WDFY4: variants seen among roughly 807,000 people sequenced by gnomAD.
WDFY4 encodes WD repeat- and FYVE domain-containing protein 4.
In WDFY4, 169 loss-of-function variants were observed where a neutral mutation model predicts 351.9. That is an observed-to-expected ratio of 0.48 (90% confidence interval 0.42 to 0.55). The LOEUF is 0.55. Among genes scored for constraint, WDFY4 ranks in the 20% least tolerant of loss-of-function variants. WDFY4 has a pLI of 0.00. For missense variants in WDFY4, 3,803 were observed against 3,935.6 expected (o/e 0.97, Z 0.90); for synonymous variants, 1,622 against 1,574.6 (o/e 1.03, Z -0.71).
chr10:48,734,988 A>G (rs1237228288), intron 10 of WDFY4, among the ~76,000 whole-genome samples: 1 of 111,722 alleles, frequency 9.0e-6, no homozygotes, highest in African/African-American at 3.5e-5. Context: ...ACGGGGCTTT[A>G]CCATGTTGAC....
chr10:48,885,954 A>G (rs778637674), intron 43 of WDFY4, among the ~76,000 whole-genome samples: 14 of 152,234 alleles, frequency 9.2e-5, no homozygotes, highest in Non-Finnish European at 2.1e-4. Flanking sequence ...TTTCTAAAAA[A>G]TAAGAATACT....
At chr10:48,699,375 C>T (rs1417208363) in intron 1 of WDFY4, among the ~76,000 whole-genome samples, 4 of 152,148 alleles carry the variant, frequency 2.6e-5, no homozygotes, top group African/African-American at 7.2e-5. Flanking sequence ...CCCTCCTGTC[C>T]CCTTCACACC....
At chr10:48,833,625 T>A (rs977342236) in intron 39 of WDFY4, among the ~76,000 whole-genome samples, 2 of 152,216 alleles carry the variant, frequency 1.3e-5, no homozygotes, top group Non-Finnish European at 2.9e-5. Context: ...CTGGAAATGT[T>A]GCTGAGGCTC....
In WDFY4 at chr10:48,723,495, CT is replaced by C; in HGVS notation, c.521del (p.Phe174SerfsTer49). 2 of 1,551,462 alleles carry C rather than the reference CT, an allele frequency of 1.3e-6. No homozygotes were observed. The highest frequency in any genetic ancestry group is 1.7e-6 in the Non-Finnish European group (2 of 1,147,026). On this transcript the variant is annotated frameshift_variant, in exon 5 of 62. Transcript: ENST00000325239. LOFTEE classifies it high-confidence loss of function. ...CCCTGCTCCTACAGTGCCTTTACCT[CT>C]TCTTTGTCTTTCCTCTGGACAAAGA... ...PALLLQCLYL[F>X]FVFPLDKDEL...
rs1227419881 is a variant in WDFY4 at position 48,723,660 on chromosome 10, C to CAG, written c.591+94_591+95dup. The CAG allele has an allele frequency of 2.7e-6, 4 of 1,496,556 alleles. No individual in the cohort carries two copies. In the East Asian group the frequency reaches 9.9e-5, roughly 37 times the overall value. 92.7% of individuals were successfully genotyped at this position (1,496,556 alleles called of 1,614,324 possible). A position where few individuals can be genotyped will look rare whatever the true frequency, so the allele number is the denominator to read the frequency against. ...TTCCCGTAGATGCTTTTGTCTTTCT[C>CAG]AGCCCTGGTTCCTGAACTCCTCTGT... On this transcript the variant is annotated intron_variant, in intron 5 of 61. Transcript: ENST00000325239.
At chr10:48,756,269 T>C (rs2132495425) in intron 12 of WDFY4, among the ~76,000 whole-genome samples, 1 of 152,200 alleles carries the variant, frequency 6.6e-6, no homozygotes, top group South Asian at 2.1e-4. Flanking sequence ...AGTCTTTTGT[T>C]GAACACACTT....
intron 47 of WDFY4, among the ~76,000 whole-genome samples, chr10:48,940,358 G>A (rs926548191): frequency 7.9e-5 from 12 of 152,352 alleles, no homozygotes; most frequent in African/African-American, 2.6e-4. Context: ...TCTCTATTAG[G>A]GATGAAGAGG....
chr10:48,828,856 C>T lies in WDFY4; in HGVS notation c.6300C>T (p.Asp2100=), dbSNP rs891362235. ...AAGTCTTCCTTTCCCCAAATGAAGA[C>T]GTGAAAGAAAAAAGAGAAGACTTAC... ...YHQVFLSPNE[D]VKEKREDLPS... is the part of the protein sequence containing the mutation. The change falls in exon 37 of 62, where the codon GAC becomes GAT. Residue 2100 remains aspartate, a synonymous_variant. Coordinates refer to ENST00000325239, the MANE Select transcript of WDFY4 (RefSeq NM_001394531.1). The T allele has an allele frequency of 5.0e-5, 75 of 1,497,326 alleles. No individual in the cohort carries two copies. The Admixed American group carries it at 8.7e-4, about 17-fold the overall frequency. The allele number at this position is 1,497,326 out of a possible 1,614,324, so 92.8% of individuals were successfully genotyped here.
chr10:48,964,118 T>C (rs1841977561), intron 54 of WDFY4, 64 bp downstream of exon 54: 1 of 1,506,800 alleles, frequency 6.6e-7, no homozygotes, highest in Non-Finnish European at 9.0e-7. Context: ...GAGGACATTC[T>C]CTCCTGGGGT....
intron 43 of WDFY4, among the ~76,000 whole-genome samples, chr10:48,888,563 A>G (rs1010355775): frequency 2.0e-5 from 3 of 151,918 alleles, no homozygotes; most frequent in African/African-American, 7.3e-5. Flanking sequence ...AAACTCTCCC[A>G]TGGCTTTCTG....
intron 55 of WDFY4, 76 bp from the exon 56 acceptor site, chr10:48,968,988 G>T: frequency 6.9e-7 from 1 of 1,453,944 alleles, no homozygotes. Context: ...GTCTGCCTGT[G>T]ACTCCTGCCT....
Position 48,953,333 on chromosome 10 carries a change from T to TCTCTCTCTCTCACA in WDFY4, c.7978-3795_7978-3794insTCTCTCTCTCACAC, listed in dbSNP as rs771339557. Among the ~76,000 whole-genome samples, 787 of 128,180 alleles carry TCTCTCTCTCTCACA rather than the reference T, an allele frequency of 6.1e-3. 6 individuals carry two copies. The highest frequency in any genetic ancestry group is 0.019 in the African/African-American group (651 of 33,746). The allele number at this position is 128,180 out of a possible 152,430, so 84.1% of individuals were successfully genotyped here. A position where few individuals can be genotyped will look rare whatever the true frequency, so the allele number is the denominator to read the frequency against. On this transcript the variant is annotated intron_variant, in intron 51 of 61. Transcript: ENST00000325239. ...CTCTCTCTCTCTCTCTCTCTCTCTC[T>TCTCTCTCTCTCACA]CACACACACACACACACACACACAC...
chr10:48,787,968 T>TCTCCTTCTCCTTCTC (rs2066535967), intron 20 of WDFY4, among the ~76,000 whole-genome samples: 1 of 93,320 alleles, frequency 1.1e-5, no homozygotes, highest in Non-Finnish European at 2.1e-5. Context: ...TTCTTCTTCT[T>TCTCCTTCTCCTTCTC]CTTCTTCTTC....
intron 40 of WDFY4, among the ~76,000 whole-genome samples, chr10:48,868,405 C>T (rs1389666662): frequency 6.6e-6 from 1 of 152,146 alleles, no homozygotes; most frequent in African/African-American, 2.4e-5. Flanking sequence ...TTTCTGAGTG[C>T]ACAAGCTGGT....
intron 2 of WDFY4, among the ~76,000 whole-genome samples, chr10:48,711,247 A>G (rs1257088983): frequency 6.6e-6 from 1 of 152,200 alleles, no homozygotes; most frequent in Non-Finnish European, 1.5e-5. Context: ...ACTGTCCATT[A>G]ATTCATCATT....
Position 48,820,343 on chromosome 10 carries a change from G to A in WDFY4, c.5615G>A (p.Arg1872Lys). Residue 1872 changes from arginine (R) to lysine (K), a missense_variant, in exon 33 of 62, where the codon AGG becomes AAG. Around this residue, in one of 3 missense-constraint regions of WDFY4, gnomAD observed 3,054 missense variants for 3,148.6 expected, o/e 0.97. Coordinates refer to ENST00000325239, the MANE Select transcript of WDFY4 (RefSeq NM_001394531.1). ...QAPTKAHPAR[R>K]KLREFTQLLL... Reference sequence around the variant, plus strand: ...CCCACCAAGGCACATCCCGCCCGGAGGAAGCTGAGGGAGTTCACGCAGCTC... The same window carrying A: ...CCCACCAAGGCACATCCCGCCCGGAAGAAGCTGAGGGAGTTCACGCAGCTC... 1 of 1,551,664 alleles carries A rather than the reference G, an allele frequency of 6.4e-7. No homozygotes were observed. The highest frequency in any genetic ancestry group is 8.7e-7 in the Non-Finnish European group (1 of 1,146,996).
intron 39 of WDFY4, among the ~76,000 whole-genome samples, chr10:48,839,421 T>A (rs1430064836): frequency 6.6e-6 from 1 of 152,150 alleles, no homozygotes; most frequent in East Asian, 1.9e-4. Flanking sequence ...GAGAGAAGGG[T>A]CTTCCCCAGG....
intron 47 of WDFY4, among the ~76,000 whole-genome samples, chr10:48,937,567 T>C (rs537686269): frequency 2.6e-5 from 4 of 152,216 alleles, no homozygotes; most frequent in East Asian, 1.9e-4. Flanking sequence ...ATGGAAATTA[T>C]GGTAACCTCA....
chr10:48,902,707 G>A (rs1380394098), intron 47 of WDFY4, among the ~76,000 whole-genome samples: 1 of 151,934 alleles, frequency 6.6e-6, no homozygotes, highest in African/African-American at 2.4e-5. Flanking sequence ...GAACTATAAA[G>A]CATATTAGAT....
Sources: allele counts gnomAD v4.1 joint callset (sites outside exome capture counted in the v4.1 genomes callset), GRCh38; gene constraint gnomAD v4.1.1; regional missense constraint gnomAD v4.1.1; transcripts MANE v1.5; gene names NCBI Gene and HGNC (gene_info 2026-07-23, HGNC 2026-07-21).